The following L3MBTL4 variants were observed in gnomAD, a reference collection of about 807,000 sequenced individuals.
L3MBTL4 encodes the protein lethal(3)malignant brain tumor-like protein 4.
L3MBTL4 carries 70 observed loss-of-function variants against 84.5 expected under a neutral mutation model. The observed-to-expected ratio is 0.83, with a 90% CI of 0.68 to 1.01. The LOEUF is 1.01. Among genes scored for constraint, L3MBTL4 ranks in the 50% least tolerant of loss-of-function variants. The probability of loss-of-function intolerance (pLI) is 0.00; values close to 1 mark genes in which losing one functional copy is unlikely to be tolerated. For synonymous variants in L3MBTL4, 274 were observed against 259.8 expected, an observed-to-expected ratio of 1.05 and a Z score of -0.52; for missense variants, 715 against 754.8, an observed-to-expected ratio of 0.95 and a Z score of 0.62.
At chr18:6,240,892 G>T (rs929023270) in intron 8 of L3MBTL4, among the ~76,000 whole-genome samples, 1 of 152,134 alleles carries the variant, frequency 6.6e-6, no homozygotes, top group Non-Finnish European at 1.5e-5. Context: ...CTGGGGACAC[G>T]GATGGCATAA....
rs369277627 is a variant in L3MBTL4, at chr18:5,974,515, AGC to A, written c.1445-4955_1445-4954del. 3.0e-3 allele frequency among the ~76,000 whole-genome samples: 464 copies of A among 152,320 alleles called. 3 individuals are homozygous for A. The highest frequency in any genetic ancestry group is 0.011 in the African/African-American group (446 of 41,556). ...CTGCCTTTAAAAGTCAGAACGCCAC[AGC>A]CAGGGGAAGGCCAATTTTTCCAGAG... On this transcript the variant is annotated intron_variant, in intron 16 of 18. Coordinates refer to ENST00000317931, the MANE Select transcript of L3MBTL4 (RefSeq NM_001330559.2).
intron 18 of L3MBTL4, among the ~76,000 whole-genome samples, chr18:5,958,068 AAG>A (rs1567911167): frequency 2.7e-5 from 1 of 36,972 alleles, no homozygotes; most frequent in African/African-American, 1.3e-4. Context: ...GAAGGAGAAG[AAG>A]AAGAAGAAGA....
At chr18:6,121,176 G>C (rs1357370298) in intron 14 of L3MBTL4, among the ~76,000 whole-genome samples, 1 of 152,146 alleles carries the variant, frequency 6.6e-6, no homozygotes, top group Non-Finnish European at 1.5e-5. Flanking sequence ...ATCTATTTTA[G>C]TAAGCAGCAT....
At chr18:6,028,934 A>T (rs1443998615) in intron 16 of L3MBTL4, among the ~76,000 whole-genome samples, 1 of 152,244 alleles carries the variant, frequency 6.6e-6, no homozygotes, top group Non-Finnish European at 1.5e-5. Context: ...AGATAATAAG[A>T]CCAGAGTAAA....
intron 16 of L3MBTL4, among the ~76,000 whole-genome samples, chr18:6,002,684 C>G (rs918766660): frequency 1.3e-5 from 2 of 151,772 alleles, no homozygotes; most frequent in African/African-American, 2.4e-5. Flanking sequence ...AAAATAAGTA[C>G]AGAGTATATA....
chr18:5,985,723 C>T (rs571662452), intron 16 of L3MBTL4, among the ~76,000 whole-genome samples: 1 of 152,196 alleles, frequency 6.6e-6, no homozygotes, highest in Admixed American at 6.5e-5. Context: ...ACCTACCTAC[C>T]TGGGAGTAAG....
intron 16 of L3MBTL4, among the ~76,000 whole-genome samples, chr18:5,975,173 C>T (rs491350): frequency 0.67 from 101,257 of 151,930 alleles, 34,425 homozygotes; most frequent in African/African-American, 0.81. Context: ...TCACAAAAGC[C>T]TCACAAAACA....
At chr18:6,160,713 G>A (rs547215662) in intron 13 of L3MBTL4, among the ~76,000 whole-genome samples, 13 of 138,662 alleles carry the variant, frequency 9.4e-5, no homozygotes, top group Non-Finnish European at 1.5e-4. Context: ...CTTGGGTGAC[G>A]AGAATAAAGA....
At chr18:6,010,165 A>G (rs950709648) in intron 16 of L3MBTL4, among the ~76,000 whole-genome samples, 1 of 152,134 alleles carries the variant, frequency 6.6e-6, no homozygotes, top group Non-Finnish European at 1.5e-5. Flanking sequence ...TGAAAGTAAT[A>G]CATTTCTGAT....
At chr18:6,111,784 G>T (rs2059203401) in intron 14 of L3MBTL4, among the ~76,000 whole-genome samples, 2 of 152,030 alleles carry the variant, frequency 1.3e-5, no homozygotes, top group South Asian at 4.1e-4. Context: ...GGATACATTG[G>T]AGAATGATTC....
intron 4 of L3MBTL4, among the ~76,000 whole-genome samples, chr18:6,285,446 T>C (rs139746169): frequency 6.6e-6 from 1 of 152,090 alleles, no homozygotes; most frequent in Non-Finnish European, 1.5e-5. Context: ...GAGATTTCAA[T>C]ATATAGAGAT....
chr18:5,992,177 G>A (rs1024191663), intron 16 of L3MBTL4, among the ~76,000 whole-genome samples: 1 of 152,202 alleles, frequency 6.6e-6, no homozygotes, highest in African/African-American at 2.4e-5. Context: ...AGGGTGATGT[G>A]CTGAGTTCAG....
chr18:6,030,514 T>C (rs2055738431), intron 16 of L3MBTL4: 20 of 821,016 alleles, frequency 2.4e-5, no homozygotes, highest in South Asian at 2.2e-4. Context: ...TTTTTTTTTT[T>C]TGGAGAAGGA....
chr18:6,027,775 C>T (rs2055580979), intron 16 of L3MBTL4, among the ~76,000 whole-genome samples: 1 of 152,152 alleles, frequency 6.6e-6, no homozygotes, highest in Non-Finnish European at 1.5e-5. Flanking sequence ...ATTTGCATTT[C>T]TCTAATGACC....
At position 6,239,870 on chromosome 18, in the gene L3MBTL4, A is replaced by G. The variant is rs2146104109; in HGVS notation, c.555T>C (p.Asn185=). 1 of 1,614,116 alleles carries G rather than the reference A, an allele frequency of 6.2e-7. No homozygotes were observed. Among genetic ancestry groups the G allele is most frequent in the East Asian group, 2.2e-5 (1 of 44,878 alleles). Residue 185 remains asparagine (N), a splice_region_variant and synonymous_variant, in exon 9 of 19, where the codon AAT becomes AAC. Coordinates refer to ENST00000317931, the MANE Select transcript of L3MBTL4 (RefSeq NM_001330559.2). ...CCTGAAATTCTTTAGACATTGGCCC[A>G]TTCTAACGCAGCACCAGCAGGGGAA... ...PKKLFRNRSP[N]GPMSKEFQVG... is the part of the protein sequence containing the mutation.
In L3MBTL4 at chr18:6,303,829, A is replaced by C. The variant is rs755760961; in HGVS notation, c.73-1872T>G. Among the ~76,000 whole-genome samples, 10 of 152,244 alleles carry C rather than the reference A, an allele frequency of 6.6e-5. No homozygotes were observed. In the East Asian group the frequency reaches 1.2e-3, roughly 18 times the overall value. Reference sequence around the variant, plus strand: ...GGAGTTCGAGACCAGCCTGGCCAACATACTGAAACCCTGTCTCTACTATAA... The same window carrying C: ...GGAGTTCGAGACCAGCCTGGCCAACCTACTGAAACCCTGTCTCTACTATAA... On this transcript the variant is annotated intron_variant, in intron 3 of 18. Coordinates refer to ENST00000317931, the MANE Select transcript of L3MBTL4 (RefSeq NM_001330559.2).
chr18:6,288,436 A>C (rs1414556038), intron 4 of L3MBTL4, among the ~76,000 whole-genome samples: 1 of 152,226 alleles, frequency 6.6e-6, no homozygotes, highest in Non-Finnish European at 1.5e-5. Flanking sequence ...AACTTTTGGT[A>C]AATTAGAAAT....
intron 1 of L3MBTL4, among the ~76,000 whole-genome samples, chr18:6,387,224 G>T (rs1016299752): frequency 1.3e-5 from 2 of 152,240 alleles, no homozygotes; most frequent in Admixed American, 1.3e-4. Context: ...GAAACAGGAC[G>T]CCTTCACCTA....
At chr18:6,055,044 A>T (rs1458567368) in intron 16 of L3MBTL4, among the ~76,000 whole-genome samples, 5 of 152,258 alleles carry the variant, frequency 3.3e-5, no homozygotes, top group Non-Finnish European at 5.9e-5. Context: ...TCTGTGAGAC[A>T]GTATGACTAG....
Sources: gnomAD v4.1 joint callset for allele counts (sites outside exome capture counted in the v4.1 genomes callset) on GRCh38, gnomAD v4.1.1 for gene constraint, MANE v1.5 for transcripts, NCBI Gene and HGNC (gene_info 2026-07-23, HGNC 2026-07-21) for gene names.